Variants in NAALADL2 observed in about 807,000 individuals in gnomAD.
NAALADL2 encodes N-acetylated alpha-linked acidic dipeptidase like 2.
Under a neutral mutation model 87.2 loss-of-function variants are expected in NAALADL2, and 76 were observed. The ratio of observed to expected loss-of-function variants is 0.87; its 90% confidence interval spans 0.72 to 1.05. NAALADL2 has a LOEUF of 1.05. Among genes scored for constraint, NAALADL2 ranks in the 50% least tolerant of loss-of-function variants. NAALADL2 has a pLI of 0.00. For missense variants in NAALADL2, 1,089 were observed against 945.8 expected (o/e 1.15, Z -1.99); for synonymous variants, 354 against 331.0 (o/e 1.07, Z -0.75).
At chr3:174,864,382 T>TA (rs1451279982) in intron 1 of NAALADL2, among the ~76,000 whole-genome samples, 4 of 152,092 alleles carry the variant, frequency 2.6e-5, no homozygotes, top group Non-Finnish European at 5.9e-5. Context: ...GGTACTTAGT[T>TA]AAAACCTGCT....
chr3:175,569,454 G>T (rs545292430), intron 9 of NAALADL2, among the ~76,000 whole-genome samples: 1 of 152,116 alleles, frequency 6.6e-6, no homozygotes, highest in Non-Finnish European at 1.5e-5. Flanking sequence ...GATATATCTT[G>T]CTATAGACTA....
chr3:175,381,175 G>A (rs1581661502), intron 5 of NAALADL2, among the ~76,000 whole-genome samples: 1 of 151,802 alleles, frequency 6.6e-6, no homozygotes, highest in East Asian at 2.0e-4. Context: ...ACTTTCTACA[G>A]TTATTATGGC....
rs898581604 is a variant in NAALADL2, at chr3:174,765,603, A to G, written c.-9+27857A>G. ...TTCTTTTCTAGGTTAGTTGACAACA[A>G]TGTTGCTTATCTTCAAGATCCTTAG... On this transcript the variant is annotated intron_variant, in intron 3 of 3. Coordinates refer to the NAALADL2 transcript ENST00000434257. 5.3e-5 allele frequency among the ~76,000 whole-genome samples: 8 copies of G among 152,180 alleles called. 1 individual carries two copies. The highest frequency in any genetic ancestry group is 9.7e-5 in the African/African-American group (4 of 41,442).
intron 5 of NAALADL2, among the ~76,000 whole-genome samples, chr3:175,424,059 G>A (rs1716346174): frequency 1.3e-5 from 2 of 152,182 alleles, no homozygotes; most frequent in Non-Finnish European, 2.9e-5. Flanking sequence ...CTGCATAAAT[G>A]TCTTCTTTTG....
At chr3:175,414,190 G>A (rs1714155665) in intron 5 of NAALADL2, among the ~76,000 whole-genome samples, 1 of 152,182 alleles carries the variant, frequency 6.6e-6, no homozygotes, top group Non-Finnish European at 1.5e-5. Flanking sequence ...CATAGCTATA[G>A]TTTGCCAATC....
intron 1 of NAALADL2, among the ~76,000 whole-genome samples, chr3:175,076,709 G>T (rs1469649540): frequency 6.6e-6 from 1 of 152,082 alleles, no homozygotes; most frequent in East Asian, 1.9e-4. Context: ...AGAGTTTCTG[G>T]TTGTAAGTTG....
chr3:175,302,252 T>C (rs932794310), intron 4 of NAALADL2, among the ~76,000 whole-genome samples: 5 of 152,152 alleles, frequency 3.3e-5, no homozygotes, highest in Admixed American at 6.6e-5. Context: ...AGGAAGACAA[T>C]TAATGAATTT....
rs537568132 is a variant in NAALADL2, at chr3:175,370,597, C to T, written c.1090+46272C>T. ...CGTAAGAGTCACTTGCTGCTTTAAG[C>T]TCTGCTCTGCTGCTGACTCTACATG... On this transcript the variant is annotated intron_variant, in intron 5 of 13. Transcript: ENST00000454872. Among the ~76,000 whole-genome samples the T allele has an allele frequency of 2.3e-4, 35 of 152,230 alleles. No individual in the cohort carries two copies. In the South Asian group the frequency reaches 6.8e-3, roughly 30 times the overall value.
chr3:175,250,367 T>C (rs1039101188), intron 3 of NAALADL2, among the ~76,000 whole-genome samples: 1 of 151,824 alleles, frequency 6.6e-6, no homozygotes, highest in Admixed American at 6.6e-5. Flanking sequence ...AGAAACCTAA[T>C]TGGCTAGCAC....
At chr3:175,313,734 A>G (rs1316635448) in intron 4 of NAALADL2, among the ~76,000 whole-genome samples, 1 of 152,140 alleles carries the variant, frequency 6.6e-6, no homozygotes, top group African/African-American at 2.4e-5. Flanking sequence ...TAAAAGTAAC[A>G]ATAGAAGTTA....
At chr3:174,683,601 G>T (rs1727756153) in intron 2 of NAALADL2, among the ~76,000 whole-genome samples, 2 of 150,398 alleles carry the variant, frequency 1.3e-5, no homozygotes, top group South Asian at 4.2e-4. Flanking sequence ...ATTTTAGGTA[G>T]ATAGAGTAAG....
At chr3:175,524,043 T>G (rs1733052443) in intron 9 of NAALADL2, among the ~76,000 whole-genome samples, 1 of 152,226 alleles carries the variant, frequency 6.6e-6, no homozygotes, top group Non-Finnish European at 1.5e-5. Flanking sequence ...TTTAAAAAGC[T>G]TTCTCTGGAA....
In NAALADL2 at chr3:174,671,929, GTGATGATGA is replaced by G. The variant is rs57931413; in HGVS notation, c.-114-65687_-114-65679del. 1.4e-3 allele frequency among the ~76,000 whole-genome samples: 214 copies of G among 150,472 alleles called. 1 individual carries two copies. Among genetic ancestry groups the G allele is most frequent in the African/African-American group, 4.9e-3 (202 of 41,136 alleles). On this transcript the variant is annotated intron_variant, in intron 2 of 3. Coordinates refer to the NAALADL2 transcript ENST00000434257. ...TCTAGTTCAATAAATGTTAACTACTGTGATGATGATGATGATGATGATGATGATGATGAC... is the reference window on the plus strand; with the variant it reads ...TCTAGTTCAATAAATGTTAACTACTGTGATGATGATGATGATGATGATGAC...
intron 9 of NAALADL2, among the ~76,000 whole-genome samples, chr3:175,517,598 G>A (rs1432560123): frequency 6.6e-6 from 1 of 152,058 alleles, no homozygotes; most frequent in East Asian, 1.9e-4. Context: ...CCAGTTACTA[G>A]CCTACAATTA....
chr3:175,506,189 T>A (rs955005627), intron 9 of NAALADL2, among the ~76,000 whole-genome samples: 5 of 152,204 alleles, frequency 3.3e-5, no homozygotes, highest in Admixed American at 2.6e-4. Flanking sequence ...TAAAATAAAA[T>A]AAAAAAACCT....
intron 4 of NAALADL2, among the ~76,000 whole-genome samples, chr3:175,267,002 T>A (rs946478821): frequency 2.0e-5 from 3 of 150,668 alleles, no homozygotes; most frequent in African/African-American, 7.3e-5. Flanking sequence ...TTTTAAAAGT[T>A]CAAAGCTTTC....
chr3:175,466,155 T>A (rs1201059093), intron 7 of NAALADL2, among the ~76,000 whole-genome samples: 2 of 152,070 alleles, frequency 1.3e-5, no homozygotes, highest in African/African-American at 4.8e-5. Flanking sequence ...TTGTGGGACA[T>A]CTGGTAAAAA....
intron 1 of NAALADL2, among the ~76,000 whole-genome samples, chr3:174,872,095 C>A (rs767576232): frequency 6.6e-6 from 1 of 151,952 alleles, no homozygotes; most frequent in Non-Finnish European, 1.5e-5. Context: ...ATTTTGGAAG[C>A]CATTATTTCA....
Position 174,956,527 on chromosome 3 carries a change from G to C in NAALADL2, c.43+97077G>C, listed in dbSNP as rs376000199. Reference sequence around the variant, plus strand: ...AAAATAAAAGTACATATATTATATAGGGTTTAGTGAGATAAAGTTAAAAAC... The same window carrying C: ...AAAATAAAAGTACATATATTATATACGGTTTAGTGAGATAAAGTTAAAAAC... On this transcript the variant is annotated intron_variant, in intron 1 of 13. Coordinates refer to ENST00000454872, the MANE Select transcript of NAALADL2 (RefSeq NM_207015.3). Among the ~76,000 whole-genome samples, 243 of 152,164 alleles carry C rather than the reference G, an allele frequency of 1.6e-3. 4 individuals are homozygous for C. In the South Asian group the frequency reaches 0.022, roughly 14 times the overall value.
Sources: allele counts gnomAD v4.1 joint callset (sites outside exome capture counted in the v4.1 genomes callset), GRCh38; gene constraint gnomAD v4.1.1; transcripts MANE v1.5; gene names NCBI Gene and HGNC (gene_info 2026-07-23, HGNC 2026-07-21).